The following PPP2CA variants were observed in gnomAD, a reference collection of about 807,000 sequenced individuals.
PPP2CA encodes protein phosphatase 2 catalytic subunit alpha.
A neutral mutation model predicts 38.8 loss-of-function variants in PPP2CA; 5 were observed. That is an observed-to-expected ratio of 0.13 (90% CI 0.07 to 0.27). The LOEUF (loss-of-function observed/expected upper bound fraction) is 0.27. Ranked by LOEUF, PPP2CA falls within the 10% of genes least tolerant of loss-of-function variation. The pLI, the probability that PPP2CA is intolerant of heterozygous loss-of-function variation, is 1.00. For missense variants in PPP2CA, 88 were observed against 389.7 expected, an observed-to-expected ratio of 0.23 and a Z score of 6.52; for synonymous variants, 152 against 134.0, an observed-to-expected ratio of 1.13 and a Z score of -0.93.
rs78699221 is a variant in PPP2CA at position 134,220,973 on chromosome 5, A to G, written c.102+4787T>C. ...GGTTGGGGAACCTGTGTTTCTGAATAGTGGGAATGTTCACCTTTTCTGTTT... is the reference window on the plus strand; with the variant it reads ...GGTTGGGGAACCTGTGTTTCTGAATGGTGGGAATGTTCACCTTTTCTGTTT... On this transcript the variant is annotated intron_variant, in intron 1 of 6. Coordinates refer to ENST00000481195, the MANE Select transcript of PPP2CA (RefSeq NM_002715.4). Among the ~76,000 whole-genome samples the G allele has an allele frequency of 1.4e-3, 211 of 152,334 alleles. 1 individual carries two copies. In the East Asian group the frequency reaches 0.023, roughly 16 times the overall value.
Position 134,195,887 on chromosome 5 carries a change from G to C in PPP2CA, c.*1885C>G, listed in dbSNP as rs994485958. Reference sequence around the variant, plus strand: ...TTGTACCTGGAAGATACCACCACGTGTCAATTACAATATACGTATTCCTTG... The same window carrying C: ...TTGTACCTGGAAGATACCACCACGTCTCAATTACAATATACGTATTCCTTG... On this transcript the variant is annotated 3_prime_UTR_variant, in exon 7 of 7. Coordinates refer to ENST00000481195, the MANE Select transcript of PPP2CA (RefSeq NM_002715.4). 1 of 152,192 alleles carries C rather than the reference G, an allele frequency of 6.6e-6. No homozygotes were observed. Among genetic ancestry groups the C allele is most frequent in the South Asian group, 2.1e-4 (1 of 4,830 alleles). 9.4% of individuals were successfully genotyped at this position (152,192 alleles called of 1,614,324 possible).
At chr5:134,215,985 A>T (rs1344169816) in intron 1 of PPP2CA, among the ~76,000 whole-genome samples, 1 of 152,190 alleles carries the variant, frequency 6.6e-6, no homozygotes, top group East Asian at 1.9e-4. Flanking sequence ...TGGACAACAG[A>T]GTACTCTTGC....
chr5:134,215,613 T>C (rs1390636703), intron 1 of PPP2CA, among the ~76,000 whole-genome samples: 1 of 151,842 alleles, frequency 6.6e-6, no homozygotes, highest in East Asian at 1.9e-4. Flanking sequence ...AAAGTAAAAA[T>C]TTTGTTGTAG....
chr5:134,199,979 T>A (rs1761939620), intron 5 of PPP2CA, among the ~76,000 whole-genome samples: 1 of 152,230 alleles, frequency 6.6e-6, no homozygotes, highest in South Asian at 2.1e-4. Context: ...TTTTCGTGTA[T>A]TTCTTTCCAG....
intron 1 of PPP2CA, among the ~76,000 whole-genome samples, chr5:134,224,724 AC>A (rs1762525908): frequency 6.6e-6 from 1 of 152,160 alleles, no homozygotes. Context: ...TGTTTCCCCA[AC>A]CCCCAGGGGA....
intron 3 of PPP2CA, 60 bp downstream of exon 3, chr5:134,201,788 T>A (rs2302599): frequency 2.5e-5 from 39 of 1,542,796 alleles, no homozygotes; most frequent in East Asian, 4.7e-5. Flanking sequence ...CATAAGCACC[T>A]GAACACTAAA....
chr5:134,221,876 G>A (rs1303679739), intron 1 of PPP2CA, among the ~76,000 whole-genome samples: 3 of 151,028 alleles, frequency 2.0e-5, no homozygotes, highest in African/African-American at 4.9e-5. Flanking sequence ...ACTGATGCAG[G>A]AGAACTGCTT....
rs1761846630 is a variant in PPP2CA at position 134,196,192 on chromosome 5, T to C, written c.*1580A>G. The C allele has an allele frequency of 6.6e-6, 1 of 152,222 alleles. No homozygotes were observed. Among genetic ancestry groups the C allele is most frequent in the Admixed American group, 6.5e-5 (1 of 15,282 alleles). The allele number at this position is 152,222 out of a possible 1,614,324, so 9.4% of individuals were successfully genotyped here. A position where few individuals can be genotyped will look rare whatever the true frequency, so the allele number is the denominator to read the frequency against. On this transcript the variant is annotated 3_prime_UTR_variant, in exon 7 of 7. Coordinates refer to ENST00000481195, the MANE Select transcript of PPP2CA (RefSeq NM_002715.4). ...TAGATCAGAAAAGACATTCGGTATG[T>C]ATGTGTTCCTCAAGCATTTTAGAAA...
intron 1 of PPP2CA, among the ~76,000 whole-genome samples, chr5:134,213,652 T>C (rs1394663555): frequency 6.6e-6 from 1 of 152,012 alleles, no homozygotes; most frequent in Admixed American, 6.6e-5. Flanking sequence ...GGCATGGTGG[T>C]GCACTCTGTG....
chr5:134,221,815 CA>C, intron 1 of PPP2CA, among the ~76,000 whole-genome samples: 1 of 151,936 alleles, frequency 6.6e-6, no homozygotes, highest in Non-Finnish European at 1.5e-5. Context: ...ACTAAAAATA[CA>C]AAACAGCTGG....
At chr5:134,201,240 T>C (rs1761961437) in intron 3 of PPP2CA, among the ~76,000 whole-genome samples, 166 bp from the exon 4 acceptor site, 1 of 152,206 alleles carries the variant, frequency 6.6e-6, no homozygotes, top group Non-Finnish European at 1.5e-5. Flanking sequence ...AGCAAGACCC[T>C]GTGTCTCTAC....
intron 2 of PPP2CA, chr5:134,202,578 C>T (rs556145757): frequency 1.3e-5 from 2 of 152,546 alleles, no homozygotes; most frequent in Admixed American, 1.3e-4. Context: ...CATAGTTGCA[C>T]AGTCCTTCAC....
chr5:134,209,748 A>G (rs1172701408), intron 1 of PPP2CA, among the ~76,000 whole-genome samples: 1 of 149,692 alleles, frequency 6.7e-6, no homozygotes, highest in African/African-American at 2.5e-5. Context: ...ACTGCACTAC[A>G]GCCAGAGTGA....
At chr5:134,198,642 T>C (rs1053661793) in intron 6 of PPP2CA, among the ~76,000 whole-genome samples, 1 of 152,186 alleles carries the variant, frequency 6.6e-6, no homozygotes, top group Non-Finnish European at 1.5e-5. Flanking sequence ...CTTGGCTCAC[T>C]GCAACCTCTG....
rs1027815060 is a variant in PPP2CA at position 134,197,556 on chromosome 5, C to T, written c.*216G>A. On this transcript the variant is annotated 3_prime_UTR_variant, in exon 7 of 7. Transcript: ENST00000481195. Reference sequence around the variant, plus strand: ...AAACTGGTTTCTTGACCAACAATGTCGCTTCAGCATGCAATGAACTGGTTC... The same window carrying T: ...AAACTGGTTTCTTGACCAACAATGTTGCTTCAGCATGCAATGAACTGGTTC... 1.9e-6 allele frequency: 1 copy of T among 516,240 alleles called. No individual in the cohort carries two copies. The highest frequency in any genetic ancestry group is 3.5e-6 in the Non-Finnish European group (1 of 286,656). The allele number at this position is 516,240 out of a possible 1,614,324, so 32.0% of individuals were successfully genotyped here. A position where few individuals can be genotyped will look rare whatever the true frequency, so the allele number is the denominator to read the frequency against.
chr5:134,202,298 G>A (rs890153377), intron 2 of PPP2CA: 19 of 295,964 alleles, frequency 6.4e-5, no homozygotes, highest in Middle Eastern at 9.6e-4. Flanking sequence ...ATTACTTTAC[G>A]GTTCAGTAAT....
intron 1 of PPP2CA, chr5:134,224,442 G>A (rs1017543333): frequency 2.7e-6 from 1 of 370,998 alleles, no homozygotes; most frequent in Admixed American, 3.9e-5. Flanking sequence ...AAAAAAGCCT[G>A]TCTTGGAAAC....
chr5:134,201,229 C>A (rs1456069213), intron 3 of PPP2CA, among the ~76,000 whole-genome samples, 155 bp from the exon 4 acceptor site: 1 of 152,200 alleles, frequency 6.6e-6, no homozygotes. Context: ...CTGAGCAACA[C>A]AGCAAGACCC....
intron 6 of PPP2CA, 124 bp downstream of exon 6, chr5:134,198,962 T>A (rs766911768): frequency 1.1e-4 from 82 of 716,630 alleles, no homozygotes; most frequent in Admixed American, 9.5e-5. Flanking sequence ...GGTGAAAGGA[T>A]CACTTCAGCC....
Sources: allele counts gnomAD v4.1 joint callset (sites outside exome capture counted in the v4.1 genomes callset), GRCh38; gene constraint gnomAD v4.1.1; transcripts MANE v1.5; gene names NCBI Gene and HGNC (gene_info 2026-07-23, HGNC 2026-07-21).